CNTNAP4: variants seen among roughly 807,000 people sequenced by gnomAD.
The protein encoded by CNTNAP4 is contactin associated protein family member 4, also known as contactin-associated protein-like 4.
In CNTNAP4, 98 loss-of-function variants were observed where a neutral mutation model predicts 148.4. The observed-to-expected ratio is 0.66, with a 90% CI of 0.56 to 0.78. The LOEUF is 0.78. Ranked by LOEUF, CNTNAP4 falls within the 30% of genes least tolerant of loss-of-function variation. The pLI is 0.00. For synonymous variants in CNTNAP4, 730 were observed against 565.1 expected, an observed-to-expected ratio of 1.29 and a Z score of -4.14; for missense variants, 1,935 against 1,565.6, an observed-to-expected ratio of 1.24 and a Z score of -3.98.
intron 3 of CNTNAP4, among the ~76,000 whole-genome samples, chr16:76,366,806 CA>C (rs2014191415): frequency 6.6e-6 from 1 of 151,594 alleles, no homozygotes; most frequent in Admixed American, 6.6e-5. Context: ...AGAATATGTA[CA>C]AGAAACAAAA....
intron 3 of CNTNAP4, among the ~76,000 whole-genome samples, chr16:76,388,696 G>A (rs1597392951): frequency 6.6e-6 from 1 of 152,082 alleles, no homozygotes; most frequent in East Asian, 1.9e-4. Context: ...GTCTATGCTA[G>A]GAAATGTTCT....
intron 1 of CNTNAP4, among the ~76,000 whole-genome samples, chr16:76,309,013 T>G (rs1406572355): frequency 6.6e-6 from 1 of 151,616 alleles, no homozygotes; most frequent in African/African-American, 2.4e-5. Context: ...GACATCTTGC[T>G]TAGGCTGATC....
At position 76,489,728 on chromosome 16, in the gene CNTNAP4, C is replaced by A. The variant is rs773855844; in HGVS notation, c.1925C>A (p.Thr642Lys). 22 of 1,605,022 alleles carry A rather than the reference C, an allele frequency of 1.4e-5. No homozygotes were observed. In the South Asian group the frequency reaches 2.2e-4, roughly 16 times the overall value. The change falls in exon 13 of 24, where the codon ACA becomes AAA. Residue 642 changes from threonine to lysine, a missense_variant. Transcript: ENST00000611870. ...ATACAGCACAACGGCTCTGACTTAA[C>A]AAGAGTCAGAAATACTAATCCAGAG... ...TIIQHNGSDL[T>K]RVRNTNPENP...
intron 3 of CNTNAP4, among the ~76,000 whole-genome samples, chr16:76,396,555 GA>G (rs1458352162): frequency 6.6e-6 from 1 of 152,218 alleles, no homozygotes; most frequent in Non-Finnish European, 1.5e-5. Flanking sequence ...CATGATTACA[GA>G]GTGGTTTTGT....
chr16:76,278,373 A>C (rs1414450051), intron 1 of CNTNAP4, among the ~76,000 whole-genome samples: 1 of 152,200 alleles, frequency 6.6e-6, no homozygotes, highest in Non-Finnish European at 1.5e-5. Context: ...CGCTTAAAGG[A>C]AAACCAGTCA....
intron 2 of CNTNAP4, among the ~76,000 whole-genome samples, chr16:76,318,311 G>C (rs1028459459): frequency 6.6e-6 from 1 of 151,968 alleles, no homozygotes; most frequent in African/African-American, 2.4e-5. Context: ...CCTTTGTTGA[G>C]GTTCAATACA....
intron 19 of CNTNAP4, 131 bp downstream of exon 19, chr16:76,538,471 A>T: frequency 1.5e-6 from 1 of 654,912 alleles, no homozygotes; most frequent in African/African-American, 1.9e-5. Context: ...TTTTGTAGTC[A>T]TATTTTTAGT....
chr16:76,333,114 C>T (rs1014648434), intron 2 of CNTNAP4, among the ~76,000 whole-genome samples: 2 of 152,192 alleles, frequency 1.3e-5, no homozygotes, highest in Admixed American at 6.5e-5. Context: ...ATGAGGGTTA[C>T]ATCTGTGCTG....
At chr16:76,449,477 A>G (rs2080373166) in intron 6 of CNTNAP4, among the ~76,000 whole-genome samples, 1 of 152,196 alleles carries the variant, frequency 6.6e-6, no homozygotes, top group Non-Finnish European at 1.5e-5. Flanking sequence ...TGTATTTTTC[A>G]TCGACCAGTG....
In CNTNAP4 at chr16:76,559,360, A is replaced by G. The variant is rs2085329904; in HGVS notation, c.*677A>G. On this transcript the variant is annotated 3_prime_UTR_variant, in exon 24 of 24. Coordinates refer to ENST00000611870, the MANE Select transcript of CNTNAP4 (RefSeq NM_033401.5). ...CTGAACATACAAGTTGTATTTAACAAGACTCAGAAAGTGCAGTGGTTGTTA... is the reference window on the plus strand; with the variant it reads ...CTGAACATACAAGTTGTATTTAACAGGACTCAGAAAGTGCAGTGGTTGTTA... The G allele has an allele frequency of 1.3e-5, 2 of 152,190 alleles. No homozygotes were observed. Among genetic ancestry groups the G allele is most frequent in the Non-Finnish European group, 2.9e-5 (2 of 68,022 alleles). 9.4% of individuals were successfully genotyped at this position (152,190 alleles called of 1,614,324 possible).
chr16:76,494,458 T>C (rs2082331955), intron 13 of CNTNAP4, among the ~76,000 whole-genome samples: 1 of 152,184 alleles, frequency 6.6e-6, no homozygotes, highest in Admixed American at 6.5e-5. Context: ...AATAAATTTA[T>C]TGAGATAAAT....
At chr16:76,462,752 A>G (rs1597622781) in intron 9 of CNTNAP4, among the ~76,000 whole-genome samples, 1 of 152,212 alleles carries the variant, frequency 6.6e-6, no homozygotes, top group Non-Finnish European at 1.5e-5. Context: ...TCACTGGCAA[A>G]TTAAAACAAA....
In CNTNAP4 at chr16:76,392,558, TGAGGAAATGG is replaced by T. The variant is rs138351729; in HGVS notation, c.391-34893_391-34884del. Among the ~76,000 whole-genome samples, 825 of 152,284 alleles carry T rather than the reference TGAGGAAATGG, an allele frequency of 5.4e-3. 5 individuals are homozygous for T. The highest frequency in any genetic ancestry group is 0.019 in the African/African-American group (779 of 41,544). On this transcript the variant is annotated intron_variant, in intron 3 of 23. Coordinates refer to ENST00000611870, the MANE Select transcript of CNTNAP4 (RefSeq NM_033401.5). ...ACTCTGAATGATTGGAACACGTTCT[TGAGGAAATGG>T]AGGGAAATATGTCCCCTCACCACAT...
intron 15 of CNTNAP4, among the ~76,000 whole-genome samples, chr16:76,514,306 G>C (rs76619811): frequency 0.019 from 2,824 of 152,104 alleles, 87 homozygotes; most frequent in African/African-American, 0.064. Context: ...AAAAATAATT[G>C]GATGTTGCTC....
intron 15 of CNTNAP4, among the ~76,000 whole-genome samples, chr16:76,509,574 G>A (rs1158894516): frequency 2.1e-5 from 2 of 97,240 alleles, no homozygotes; most frequent in Non-Finnish European, 5.8e-5. Context: ...AAAAGATTAT[G>A]CGCGTTTTAA....
chr16:76,547,696 A>T (rs1451787518), intron 21 of CNTNAP4, among the ~76,000 whole-genome samples: 2 of 152,178 alleles, frequency 1.3e-5, no homozygotes, highest in African/African-American at 4.8e-5. Context: ...TCCGAGTAGT[A>T]GCTTTGGTGT....
At chr16:76,462,672 C>T (rs1421436256) in intron 9 of CNTNAP4, among the ~76,000 whole-genome samples, 1 of 152,096 alleles carries the variant, frequency 6.6e-6, no homozygotes, top group Non-Finnish European at 1.5e-5. Flanking sequence ...AGCATCCACC[C>T]GCCCAGTGGA....
intron 10 of CNTNAP4, 79 bp downstream of exon 10, chr16:76,467,602 T>G (rs372069768): frequency 4.3e-4 from 494 of 1,162,208 alleles, no homozygotes; most frequent in South Asian, 3.9e-3. Context: ...GATGAACAAT[T>G]ATTCTTTCCT....
At chr16:76,336,501 T>G (rs1964040612) in intron 2 of CNTNAP4, among the ~76,000 whole-genome samples, 1 of 152,168 alleles carries the variant, frequency 6.6e-6, no homozygotes, top group Non-Finnish European at 1.5e-5. Flanking sequence ...AACTTATCAC[T>G]CATGAGCCAA....
Sources: allele counts gnomAD v4.1 joint callset (sites outside exome capture counted in the v4.1 genomes callset), GRCh38; gene constraint gnomAD v4.1.1; transcripts MANE v1.5; gene names NCBI Gene and HGNC (gene_info 2026-07-23, HGNC 2026-07-21).